Variants in RASAL2 observed in about 807,000 individuals in gnomAD.
RASAL2 encodes the protein RAS protein activator like 2, also known as ras GTPase-activating protein nGAP.
A neutral mutation model predicts 128.9 loss-of-function variants in RASAL2; 58 were observed. The observed-to-expected ratio is 0.45, with a 90% CI of 0.36 to 0.56. The LOEUF is 0.56. Among genes scored for constraint, RASAL2 ranks in the 20% least tolerant of loss-of-function variants. The probability of loss-of-function intolerance (pLI) is 0.00; values close to 1 mark genes in which losing one functional copy is unlikely to be tolerated. For synonymous variants in RASAL2, 561 were observed against 580.8 expected (o/e 0.97, Z 0.49); for missense variants, 1,360 against 1,601.6 (o/e 0.85, Z 2.57).
At chr1:178,326,866 C>A (rs973865509) in intron 3 of RASAL2, among the ~76,000 whole-genome samples, 13 of 152,238 alleles carry the variant, frequency 8.5e-5, no homozygotes, top group African/African-American at 2.9e-4. Context: ...CTTTCTATAA[C>A]CCCCTTTTTC....
At chr1:178,281,006 AC>A in intron 1 of RASAL2, among the ~76,000 whole-genome samples, 1 of 152,168 alleles carries the variant, frequency 6.6e-6, no homozygotes, top group South Asian at 2.1e-4. Flanking sequence ...ACATGATATA[AC>A]ATAACCTATA....
chr1:178,355,442 GGAA>G (rs575744670), intron 3 of RASAL2, among the ~76,000 whole-genome samples: 13 of 152,216 alleles, frequency 8.5e-5, no homozygotes, highest in South Asian at 2.1e-4. Flanking sequence ...AAAATAAAGT[GGAA>G]GTGGATTATT....
In RASAL2 at chr1:178,411,385, C is replaced by G. The variant is rs557797838; in HGVS notation, c.565-9126C>G. Among the ~76,000 whole-genome samples, 7 of 152,022 alleles carry G rather than the reference C, an allele frequency of 4.6e-5. No individual in the cohort carries two copies. In the East Asian group the frequency reaches 1.4e-3, roughly 29 times the overall value. On this transcript the variant is annotated intron_variant, in intron 4 of 17. Coordinates refer to ENST00000367649, the MANE Select transcript of RASAL2 (RefSeq NM_170692.4). ...AGGCATAAGAATGATATAATGGACT[C>G]TGGGGACTTGGGAGGAAGGGTGGGA... is the stretch of plus-strand genomic sequence containing the variant.
intron 1 of RASAL2, among the ~76,000 whole-genome samples, chr1:178,106,959 A>G (rs1659110506): frequency 6.6e-6 from 1 of 152,190 alleles, no homozygotes; most frequent in Non-Finnish European, 1.5e-5. Flanking sequence ...CTAGCATAAT[A>G]AATTTCCTCA....
chr1:178,424,687 C>T (rs1329900935), intron 5 of RASAL2, among the ~76,000 whole-genome samples: 1 of 152,098 alleles, frequency 6.6e-6, no homozygotes, highest in Admixed American at 6.6e-5. Context: ...GTCTCAAACT[C>T]CTGGGCTCAA....
At chr1:178,245,265 C>T (rs1664719315) in intron 1 of RASAL2, among the ~76,000 whole-genome samples, 1 of 152,188 alleles carries the variant, frequency 6.6e-6, no homozygotes, top group Admixed American at 6.5e-5. Context: ...TAATGATCAC[C>T]ATTCTAACTG....
At chr1:178,119,087 C>T (rs781020996) in intron 1 of RASAL2, among the ~76,000 whole-genome samples, 24 of 152,106 alleles carry the variant, frequency 1.6e-4, no homozygotes, top group South Asian at 1.0e-3. Context: ...AGGTTGGTCT[C>T]GAACTCCTGA....
chr1:178,319,241 T>C (rs1668634825), intron 3 of RASAL2, among the ~76,000 whole-genome samples: 1 of 152,048 alleles, frequency 6.6e-6, no homozygotes, highest in Admixed American at 6.5e-5. Context: ...TTCCTTCATT[T>C]CAACTTTGGT....
chr1:178,263,520 T>C (rs1665794447), intron 1 of RASAL2, among the ~76,000 whole-genome samples: 1 of 152,224 alleles, frequency 6.6e-6, no homozygotes, highest in Non-Finnish European at 1.5e-5. Flanking sequence ...ACCTTCATGC[T>C]TCTCAAGAAT....
In RASAL2 at chr1:178,269,703, G is replaced by A. The variant is rs934935242; in HGVS notation, c.203-13861G>A. Among the ~76,000 whole-genome samples, 10 of 152,258 alleles carry A rather than the reference G, an allele frequency of 6.6e-5. 2 individuals are homozygous for A. In the East Asian group the frequency reaches 1.2e-3, roughly 18 times the overall value. On this transcript the variant is annotated intron_variant, in intron 1 of 17. Transcript: ENST00000367649. ...ACCCTATATGGTCCACAAAGGGGAG[G>A]CATGAATAATCTACCCCTTGTTTAG... is the stretch of plus-strand genomic sequence containing the variant.
chr1:178,469,195 G>A (rs1260545944), intron 17 of RASAL2, among the ~76,000 whole-genome samples: 2 of 152,130 alleles, frequency 1.3e-5, no homozygotes, highest in Non-Finnish European at 2.9e-5. Flanking sequence ...TGCTTGGGGG[G>A]CTGAGGTGGG....
At chr1:178,304,036 T>C (rs1248947437) in intron 3 of RASAL2, among the ~76,000 whole-genome samples, 1 of 152,172 alleles carries the variant, frequency 6.6e-6, no homozygotes, top group East Asian at 1.9e-4. Context: ...ACAGGTGTGT[T>C]CACTTTGTGA....
chr1:178,466,801 A>C (rs1647747540), intron 16 of RASAL2, among the ~76,000 whole-genome samples: 1 of 152,244 alleles, frequency 6.6e-6, no homozygotes, highest in African/African-American at 2.4e-5. Context: ...GGACAGGTCA[A>C]GTAAACAGAA....
At chr1:178,383,392 C>A (rs942604211) in intron 3 of RASAL2, among the ~76,000 whole-genome samples, 3 of 152,150 alleles carry the variant, frequency 2.0e-5, no homozygotes, top group Non-Finnish European at 4.4e-5. Flanking sequence ...AAGTATCCTA[C>A]TGAAAATGGT....
At chr1:178,392,728 T>G (rs1197162611) in intron 4 of RASAL2, among the ~76,000 whole-genome samples, 2 of 152,128 alleles carry the variant, frequency 1.3e-5, no homozygotes, top group Non-Finnish European at 2.9e-5. Flanking sequence ...CCCCTGGCCT[T>G]TCAGCTGATA....
intron 17 of RASAL2, among the ~76,000 whole-genome samples, chr1:178,468,312 A>G (rs1013539783): frequency 5.3e-5 from 8 of 152,230 alleles, no homozygotes; most frequent in Non-Finnish European, 8.8e-5. Flanking sequence ...TCAACCTTAA[A>G]TGACATATCA....
At chr1:178,445,750 C>A in intron 9 of RASAL2, 88 bp downstream of exon 9, 1 of 1,363,778 alleles carries the variant, frequency 7.3e-7, no homozygotes, top group Non-Finnish European at 9.9e-7. Flanking sequence ...AGCTCAAATT[C>A]TGCATGTTAT....
chr1:178,286,750 A>G (rs1206264707), intron 2 of RASAL2, among the ~76,000 whole-genome samples: 2 of 149,816 alleles, frequency 1.3e-5, no homozygotes, highest in Non-Finnish European at 3.0e-5. Context: ...TTTTTTGTTG[A>G]TTCTATCCCC....
intron 3 of RASAL2, among the ~76,000 whole-genome samples, chr1:178,317,536 G>C: frequency 6.6e-6 from 1 of 150,412 alleles, no homozygotes. Context: ...TGTATGTGTC[G>C]AGGAATTTAT....
Sources: allele counts gnomAD v4.1 joint callset (sites outside exome capture counted in the v4.1 genomes callset), GRCh38; gene constraint gnomAD v4.1.1; transcripts MANE v1.5; gene names NCBI Gene and HGNC (gene_info 2026-07-23, HGNC 2026-07-21).